GAB2: variants seen among roughly 807,000 people sequenced by gnomAD.
The protein encoded by GAB2 is GRB2-associated-binding protein 2.
GAB2 carries 26 observed loss-of-function variants against 65.5 expected under a neutral mutation model. The ratio of observed to expected loss-of-function variants is 0.40; its 90% CI spans 0.29 to 0.55. The LOEUF (loss-of-function observed/expected upper bound fraction) is 0.55. GAB2 is among the 20% of genes least tolerant of loss of function. The pLI, the probability that GAB2 is intolerant of heterozygous loss-of-function variation, is 0.53. For missense variants in GAB2, 884 were observed against 875.8 expected, an observed-to-expected ratio of 1.01 and a Z score of -0.12; for synonymous variants, 321 against 329.6, an observed-to-expected ratio of 0.97 and a Z score of 0.28.
intron 1 of GAB2, among the ~76,000 whole-genome samples, chr11:78,302,348 A>C (rs1867047478): frequency 6.6e-6 from 1 of 152,214 alleles, no homozygotes. Context: ...AGAAAAAAAC[A>C]ATCTCATCAA....
At chr11:78,278,236 A>T (rs1165345647) in intron 2 of GAB2, among the ~76,000 whole-genome samples, 1 of 150,618 alleles carries the variant, frequency 6.6e-6, no homozygotes, top group Non-Finnish European at 1.5e-5. Context: ...TGCCTGGTTA[A>T]TTTTTGTATT....
chr11:78,353,377 G>T (rs111965246), intron 1 of GAB2, among the ~76,000 whole-genome samples: 3,740 of 152,288 alleles, frequency 0.025, 122 homozygotes, highest in African/African-American at 0.078. Flanking sequence ...GAAAGCGGAG[G>T]TTGCAGTGAG....
chr11:78,361,800 A>T (rs1739142289), intron 1 of GAB2, among the ~76,000 whole-genome samples: 1 of 152,176 alleles, frequency 6.6e-6, no homozygotes, highest in South Asian at 2.1e-4. Context: ...AATGTGGCAA[A>T]ATTACATATA....
intron 1 of GAB2, among the ~76,000 whole-genome samples, chr11:78,302,315 C>T (rs1867046072): frequency 6.6e-6 from 1 of 152,066 alleles, no homozygotes; most frequent in Admixed American, 6.5e-5. Flanking sequence ...CCACAATCTA[C>T]AATGAACTCA....
At chr11:78,399,001 T>G (rs562694182) in intron 1 of GAB2, among the ~76,000 whole-genome samples, 1 of 152,286 alleles carries the variant, frequency 6.6e-6, no homozygotes, top group African/African-American at 2.4e-5. Flanking sequence ...ATGGAATATG[T>G]TTAAACATGT....
chr11:78,279,526 C>T (rs1417935132), intron 2 of GAB2, among the ~76,000 whole-genome samples: 7 of 152,146 alleles, frequency 4.6e-5, no homozygotes, highest in African/African-American at 1.7e-4. Flanking sequence ...TTAGTATACT[C>T]ATGAAAGTGT....
intron 1 of GAB2, among the ~76,000 whole-genome samples, chr11:78,302,959 G>T (rs562729809): frequency 1.3e-5 from 2 of 152,304 alleles, no homozygotes; most frequent in Admixed American, 6.5e-5. Flanking sequence ...ACCAAACATT[G>T]TATGTTCTCA....
At chr11:78,245,027 G>C (rs1865258176) in intron 3 of GAB2, among the ~76,000 whole-genome samples, 2 of 152,150 alleles carry the variant, frequency 1.3e-5, no homozygotes, top group Admixed American at 6.6e-5. Context: ...CAAGATAATG[G>C]AATCAACCTA....
At chr11:78,397,185 A>G (rs1278062834) in intron 1 of GAB2, among the ~76,000 whole-genome samples, 6 of 152,220 alleles carry the variant, frequency 3.9e-5, no homozygotes, top group Admixed American at 3.3e-4. Flanking sequence ...TTGCAAAACA[A>G]ACAAACAAAA....
At chr11:78,279,299 G>T (rs183648331) in intron 2 of GAB2, among the ~76,000 whole-genome samples, 27 of 152,274 alleles carry the variant, frequency 1.8e-4, no homozygotes, top group African/African-American at 5.5e-4. Flanking sequence ...AGAACTTCAA[G>T]ATAGTAATAG....
intron 1 of GAB2, among the ~76,000 whole-genome samples, chr11:78,348,053 T>C (rs1160986784): frequency 6.6e-6 from 1 of 152,156 alleles, no homozygotes; most frequent in East Asian, 1.9e-4. Flanking sequence ...TTAGTATTGA[T>C]TAAGTGGAAG....
Position 78,346,690 on chromosome 11 carries a change from T to C in GAB2, c.76-65789A>G, listed in dbSNP as rs1455965974. ...CATCCCCTCCATATATATATATATA[T>C]ATATATATATATATATATATATATA... On this transcript the variant is annotated intron_variant, in intron 1 of 9. Coordinates refer to ENST00000361507, the MANE Select transcript of GAB2 (RefSeq NM_080491.3). Among the ~76,000 whole-genome samples the C allele has an allele frequency of 3.5e-3, 311 of 90,008 alleles. 8 individuals are homozygous for C. Among genetic ancestry groups the C allele is most frequent in the African/African-American group, 0.018 (297 of 16,818 alleles). The allele number at this position is 90,008 out of a possible 152,430, so 59.0% of individuals were successfully genotyped here.
intron 1 of GAB2, among the ~76,000 whole-genome samples, chr11:78,383,917 C>T (rs557523413): frequency 2.0e-5 from 3 of 152,230 alleles, no homozygotes; most frequent in Admixed American, 2.0e-4. Context: ...TGCGGGCTTT[C>T]GTGACATTGC....
intron 1 of GAB2, among the ~76,000 whole-genome samples, chr11:78,323,784 A>G (rs1565159598): frequency 7.9e-6 from 1 of 125,922 alleles, no homozygotes; most frequent in Non-Finnish European, 1.6e-5. Context: ...TACCCCCTGA[A>G]TCTTTCTTTT....
chr11:78,402,356 A>C (rs1469203633), intron 1 of GAB2, among the ~76,000 whole-genome samples: 1 of 152,130 alleles, frequency 6.6e-6, no homozygotes, highest in Non-Finnish European at 1.5e-5. Context: ...GAACTTGGGC[A>C]CTTGGCACAT....
intron 1 of GAB2, among the ~76,000 whole-genome samples, chr11:78,409,211 T>G (rs925338743): frequency 6.6e-6 from 1 of 152,122 alleles, no homozygotes. Flanking sequence ...CAAAAGAAAT[T>G]ACCAGAGACT....
intron 3 of GAB2, among the ~76,000 whole-genome samples, chr11:78,238,423 A>C (rs967687184): frequency 2.0e-5 from 3 of 150,812 alleles, no homozygotes; most frequent in African/African-American, 7.3e-5. Context: ...TGAGCCCAGG[A>C]GTTTGAGGCT....
chr11:78,282,285 C>T (rs1866356093), intron 1 of GAB2, among the ~76,000 whole-genome samples: 1 of 151,810 alleles, frequency 6.6e-6, no homozygotes, highest in South Asian at 2.1e-4. Context: ...TCAGTCTATG[C>T]TTTACCATTG....
At chr11:78,353,527 T>G (rs181038068) in intron 1 of GAB2, among the ~76,000 whole-genome samples, 35 of 152,338 alleles carry the variant, frequency 2.3e-4, no homozygotes, top group Non-Finnish European at 4.1e-4. Context: ...TGATAAAATC[T>G]GAGGACCACT....
Sources: allele counts gnomAD v4.1 joint callset (sites outside exome capture counted in the v4.1 genomes callset), GRCh38; gene constraint gnomAD v4.1.1; transcripts MANE v1.5; gene names NCBI Gene and HGNC (gene_info 2026-07-23, HGNC 2026-07-21).